The following SOX5 variants were observed in gnomAD, a reference collection of about 807,000 sequenced individuals.
SOX5 encodes the protein transcription factor SOX-5.
Under a neutral mutation model 92.0 loss-of-function variants are expected in SOX5, and 9 were observed. The observed-to-expected ratio is 0.10, with a 90% CI of 0.06 to 0.17. SOX5 has a LOEUF of 0.17. Ranked by LOEUF, SOX5 falls within the 10% of genes least tolerant of loss-of-function variation. SOX5 has a pLI of 1.00. For synonymous variants in SOX5, 344 were observed against 336.3 expected (o/e 1.02, Z -0.25); for missense variants, 642 against 944.5 (o/e 0.68, Z 4.20).
At chr12:23,879,338 AAC>A (rs998163912) in intron 2 of SOX5, among the ~76,000 whole-genome samples, 30 of 152,280 alleles carry the variant, frequency 2.0e-4, no homozygotes, top group African/African-American at 6.7e-4. Flanking sequence ...ATGAAAAAAA[AAC>A]TAGAAAAGAA....
chr12:23,760,295 T>A (rs1370097995), intron 3 of SOX5, among the ~76,000 whole-genome samples: 1 of 152,092 alleles, frequency 6.6e-6, no homozygotes. Context: ...AGCTCATCAG[T>A]AAGTAGAACA....
chr12:24,153,059 T>A (rs1384004860), intron 4 of SOX5, among the ~76,000 whole-genome samples: 2 of 152,244 alleles, frequency 1.3e-5, no homozygotes, highest in Middle Eastern at 3.4e-3. Context: ...TCAGCAGATG[T>A]CTGGACCACT....
At chr12:23,623,262 G>A (rs921090199) in intron 8 of SOX5, among the ~76,000 whole-genome samples, 3 of 152,084 alleles carry the variant, frequency 2.0e-5, no homozygotes, top group African/African-American at 7.2e-5. Flanking sequence ...GAAGCATAAA[G>A]CATTTAAGTA....
intron 1 of SOX5, among the ~76,000 whole-genome samples, chr12:23,948,545 A>T (rs1412290969): frequency 1.3e-5 from 2 of 151,848 alleles, no homozygotes; most frequent in Non-Finnish European, 2.9e-5. Flanking sequence ...TACAGAAGGT[A>T]GCTTTCATGA....
chr12:24,343,555 TG>T (rs1461825660), intron 2 of SOX5, among the ~76,000 whole-genome samples: 1 of 152,130 alleles, frequency 6.6e-6, no homozygotes, highest in African/African-American at 2.4e-5. Context: ...AAGATATCTG[TG>T]GAACTAAGCC....
intron 3 of SOX5, among the ~76,000 whole-genome samples, chr12:24,232,833 C>T (rs1963675894): frequency 6.6e-6 from 1 of 152,126 alleles, no homozygotes; most frequent in South Asian, 2.1e-4. Context: ...TGAGACATTC[C>T]ATATAATATC....
intron 4 of SOX5, among the ~76,000 whole-genome samples, chr12:24,121,249 G>A (rs1948581094): frequency 1.3e-5 from 2 of 152,184 alleles, no homozygotes; most frequent in Non-Finnish European, 1.5e-5. Flanking sequence ...CCATGAATAT[G>A]AGCATTCTTC....
intron 4 of SOX5, among the ~76,000 whole-genome samples, chr12:24,057,030 C>T (rs1284480326): frequency 6.7e-6 from 1 of 149,906 alleles, no homozygotes; most frequent in East Asian, 1.9e-4. Context: ...AGTAAATGGC[C>T]TCTCTGTTCA....
intron 2 of SOX5, among the ~76,000 whole-genome samples, chr12:23,872,495 C>T (rs947262272): frequency 9.2e-5 from 14 of 151,994 alleles, no homozygotes; most frequent in African/African-American, 2.9e-4. Context: ...AATGTAGTCC[C>T]TCTTATGGTT....
chr12:24,075,667 CATG>C (rs1942483904), intron 4 of SOX5, among the ~76,000 whole-genome samples: 1 of 151,702 alleles, frequency 6.6e-6, no homozygotes, highest in Non-Finnish European at 1.5e-5. Context: ...TTAAAAAAGA[CATG>C]ATTGAAATAA....
intron 3 of SOX5, chr12:24,227,205 A>T (rs1962244469): frequency 6.6e-6 from 1 of 152,288 alleles, no homozygotes; most frequent in East Asian, 1.9e-4. Flanking sequence ...GTCAGACAGC[A>T]AGCCCAGAAA....
In SOX5 at chr12:24,494,457, T is replaced by A. The variant is rs186998285; in HGVS notation, c.-251+67872A>T. 1.2e-3 allele frequency among the ~76,000 whole-genome samples: 182 copies of A among 152,320 alleles called. 1 individual carries two copies. The highest frequency in any genetic ancestry group is 0.01 in the Middle Eastern group (3 of 294). On this transcript the variant is annotated intron_variant, in intron 1 of 4. Transcript: ENST00000446891. ...TCATTGTATCCTTATAACAACAGTA[T>A]GAAACAGATAGCATAGTTTATTATT... is the stretch of plus-strand genomic sequence containing the variant.
intron 1 of SOX5, among the ~76,000 whole-genome samples, chr12:23,942,392 G>A (rs1335147334): frequency 6.6e-6 from 1 of 151,722 alleles, no homozygotes; most frequent in Non-Finnish European, 1.5e-5. Context: ...GGCAAACTCA[G>A]TACTAATGTA....
chr12:23,899,812 A>C (rs1345868567), intron 1 of SOX5, among the ~76,000 whole-genome samples: 1 of 152,226 alleles, frequency 6.6e-6, no homozygotes, highest in Non-Finnish European at 1.5e-5. Context: ...TTTAATGGGA[A>C]TAAAAAACCT....
At chr12:24,489,868 G>C (rs780632764) in intron 1 of SOX5, among the ~76,000 whole-genome samples, 6 of 152,180 alleles carry the variant, frequency 3.9e-5, no homozygotes, top group Non-Finnish European at 7.3e-5. Flanking sequence ...TTTTCTCTCA[G>C]GCTTTGCTAA....
At chr12:23,998,583 T>C (rs1266587228) in intron 4 of SOX5, among the ~76,000 whole-genome samples, 1 of 151,850 alleles carries the variant, frequency 6.6e-6, no homozygotes, top group African/African-American at 2.4e-5. Context: ...GGCTGGTGGA[T>C]CACGAGGTCA....
intron 4 of SOX5, among the ~76,000 whole-genome samples, chr12:24,182,562 T>C (rs1010335669): frequency 6.6e-6 from 1 of 151,894 alleles, no homozygotes; most frequent in African/African-American, 2.4e-5. Flanking sequence ...TACATGCTAT[T>C]GGGACTCTTT....
chr12:23,557,702 A>G (rs887724114), intron 11 of SOX5, among the ~76,000 whole-genome samples: 1 of 152,180 alleles, frequency 6.6e-6, no homozygotes, highest in Non-Finnish European at 1.5e-5. Flanking sequence ...TGGGCCAGGC[A>G]CATTGGCTCA....
chr12:23,575,309 CA>C (rs1161183504), intron 10 of SOX5, among the ~76,000 whole-genome samples: 2 of 151,748 alleles, frequency 1.3e-5, no homozygotes, highest in South Asian at 2.1e-4. Flanking sequence ...GTGCAATTCA[CA>C]AAAAAAATGG....
Sources: allele counts gnomAD v4.1 joint callset (sites outside exome capture counted in the v4.1 genomes callset), GRCh38; gene constraint gnomAD v4.1.1; transcripts MANE v1.5; gene names NCBI Gene and HGNC (gene_info 2026-07-23, HGNC 2026-07-21).